The following SRRM4 variants were observed in gnomAD, a reference collection of about 807,000 sequenced individuals.
SRRM4 encodes serine/arginine repetitive matrix 4, also known as serine/arginine repetitive matrix protein 4.
A neutral mutation model predicts 68.9 loss-of-function variants in SRRM4; 33 were observed. The observed-to-expected ratio is 0.48, with a 90% CI of 0.36 to 0.64. The LOEUF (loss-of-function observed/expected upper bound fraction) is 0.64. Among genes scored for constraint, SRRM4 ranks in the 30% least tolerant of loss-of-function variants. The pLI is 0.00. For synonymous variants in SRRM4, 318 were observed against 318.8 expected, an observed-to-expected ratio of 1.00 and a Z score of 0.03; for missense variants, 817 against 827.1, an observed-to-expected ratio of 0.99 and a Z score of 0.15.
intron 1 of SRRM4, among the ~76,000 whole-genome samples, chr12:118,990,805 CTTGT>C (rs1036539989): frequency 1.3e-5 from 2 of 151,758 alleles, no homozygotes; most frequent in Non-Finnish European, 2.9e-5. Context: ...ATCACTTTCT[CTTGT>C]TTGTGTTTTT....
chr12:119,129,871 A>AG, intron 7 of SRRM4, among the ~76,000 whole-genome samples: 1 of 120,482 alleles, frequency 8.3e-6, no homozygotes, highest in Non-Finnish European at 1.8e-5. Flanking sequence ...TTAGTTGGAC[A>AG]AATGGATGGA....
chr12:119,066,548 G>C (rs142877352), intron 1 of SRRM4, among the ~76,000 whole-genome samples: 3 of 152,180 alleles, frequency 2.0e-5, no homozygotes, highest in Admixed American at 6.5e-5. Context: ...CAGAAACTTC[G>C]GAAGTGGGGC....
chr12:119,151,265 G>A (rs753999825), intron 10 of SRRM4, 45 bp downstream of exon 10: 5 of 1,549,596 alleles, frequency 3.2e-6, no homozygotes, highest in Admixed American at 1.7e-5. Context: ...TTTCTCCTTA[G>A]GAAATTAGTT....
At chr12:119,150,980 G>A in intron 9 of SRRM4, 37 bp from the exon 10 acceptor site, 12 of 1,595,018 alleles carry the variant, frequency 7.5e-6, no homozygotes, top group Non-Finnish European at 9.4e-6. Flanking sequence ...CCAGAGTAGT[G>A]GGCAGTCGGT....
chr12:118,988,466 G>C (rs995410203), intron 1 of SRRM4, among the ~76,000 whole-genome samples: 1 of 152,186 alleles, frequency 6.6e-6, no homozygotes, highest in Non-Finnish European at 1.5e-5. Context: ...TCTGGCGTGG[G>C]CTATTAGGCT....
rs1486203607 is a variant in SRRM4 at position 119,157,539 on chromosome 12, T to C, written c.*741T>C. The stretch of plus-strand genomic sequence containing the variant: ...CAGATCCCAGCTGTGAAGAGGCCAC[T>C]GCATGGCTGACACAAAACACCTCTT... On this transcript the variant is annotated 3_prime_UTR_variant, in exon 13 of 13. Transcript: ENST00000267260. The surrounding 1 kb of genome is among the most constrained non-coding windows in gnomAD (Gnocchi z 4.1). The C allele has an allele frequency of 6.6e-6, 1 of 152,342 alleles. No homozygotes were observed. Among genetic ancestry groups the C allele is most frequent in the East Asian group, 1.9e-4 (1 of 5,180 alleles). The allele number at this position is 152,342 out of a possible 1,614,324, so 9.4% of individuals were successfully genotyped here.
intron 1 of SRRM4, among the ~76,000 whole-genome samples, chr12:119,063,217 T>C (rs1480171029): frequency 6.6e-6 from 1 of 152,208 alleles, no homozygotes; most frequent in Non-Finnish European, 1.5e-5. Context: ...GTTCCAGATT[T>C]AATGTCATGG....
chr12:119,091,490 C>G lies in SRRM4; in HGVS notation c.132-10746C>G, dbSNP rs74447193. Among the ~76,000 whole-genome samples, 3 of 152,092 alleles carry G rather than the reference C, an allele frequency of 2.0e-5. No individual in the cohort carries two copies. In the East Asian group the frequency reaches 5.8e-4, roughly 29 times the overall value. On this transcript the variant is annotated intron_variant, in intron 1 of 12. Coordinates refer to ENST00000267260, the MANE Select transcript of SRRM4 (RefSeq NM_194286.4). The stretch of plus-strand genomic sequence containing the variant: ...AGTCAGAGTCACAGTGAGTGGGTCT[C>G]CAGAGGCAATCTTTGCAAGTGAGGC...
intron 8 of SRRM4, among the ~76,000 whole-genome samples, chr12:119,139,659 C>G (rs998913796): frequency 6.6e-6 from 1 of 152,126 alleles, no homozygotes; most frequent in Non-Finnish European, 1.5e-5. Context: ...GATATACCCG[C>G]TAGGGACATG....
intron 1 of SRRM4, chr12:119,037,050 A>G (rs1230718863): frequency 6.6e-6 from 1 of 152,200 alleles, no homozygotes; most frequent in African/African-American, 2.4e-5. Flanking sequence ...ACGAGGCGAT[A>G]TCAAACACAA....
intron 1 of SRRM4, among the ~76,000 whole-genome samples, chr12:118,985,952 A>T (rs2135987141): frequency 6.6e-6 from 1 of 152,330 alleles, no homozygotes; most frequent in South Asian, 2.1e-4. Flanking sequence ...TAGAACACAC[A>T]TTTTCCTTAC....
intron 7 of SRRM4, among the ~76,000 whole-genome samples, chr12:119,128,487 C>A (rs976019321): frequency 2.0e-5 from 3 of 152,154 alleles, no homozygotes; most frequent in Admixed American, 6.5e-5. Flanking sequence ...TTTTTAACAC[C>A]CCCTTACAGA....
At chr12:118,990,757 A>G (rs1262424137) in intron 1 of SRRM4, among the ~76,000 whole-genome samples, 2 of 152,044 alleles carry the variant, frequency 1.3e-5, no homozygotes, top group Admixed American at 6.5e-5. Context: ...AGCACATCAG[A>G]CCATGTAAGC....
chr12:119,146,312 C>T (rs972498732), intron 9 of SRRM4, among the ~76,000 whole-genome samples: 2 of 152,238 alleles, frequency 1.3e-5, no homozygotes, highest in Non-Finnish European at 2.9e-5. Flanking sequence ...ATTGACCAGG[C>T]GTGGTGGCTC....
intron 1 of SRRM4, among the ~76,000 whole-genome samples, chr12:119,076,666 C>T (rs1340674381): frequency 6.6e-6 from 1 of 152,158 alleles, no homozygotes; most frequent in Non-Finnish European, 1.5e-5. Flanking sequence ...GGGAAGTTGT[C>T]GAGATCTGAA....
rs1450529540 is a variant in SRRM4 at position 119,154,815 on chromosome 12, T to A, written c.1532+432T>A. On this transcript the variant is annotated intron_variant, in intron 12 of 12. Coordinates refer to ENST00000267260, the MANE Select transcript of SRRM4 (RefSeq NM_194286.4). The surrounding 1 kb of genome is among the most constrained non-coding windows in gnomAD (Gnocchi z 4.7). ...AGACAGACCTCTACCCTCAGACCTG[T>A]ACACTCAGCTGTCAGGCTTAAATAA... Among the ~76,000 whole-genome samples, 1 of 152,188 alleles carries A rather than the reference T, an allele frequency of 6.6e-6. No individual in the cohort carries two copies. Among genetic ancestry groups the A allele is most frequent in the Non-Finnish European group, 1.5e-5 (1 of 68,024 alleles).
intron 1 of SRRM4, among the ~76,000 whole-genome samples, chr12:119,077,486 A>C (rs1953923520): frequency 6.6e-6 from 1 of 152,296 alleles, no homozygotes; most frequent in South Asian, 2.1e-4. Flanking sequence ...AATTAATGGT[A>C]CCTACCTCAT....
intron 1 of SRRM4, among the ~76,000 whole-genome samples, chr12:119,095,084 G>T (rs1356741560): frequency 1.3e-5 from 2 of 152,300 alleles, no homozygotes; most frequent in East Asian, 1.9e-4. Context: ...CAATGGCAAA[G>T]CTCAAAGGGT....
At chr12:119,127,183 C>T (rs945109009) in intron 7 of SRRM4, among the ~76,000 whole-genome samples, 6 of 151,590 alleles carry the variant, frequency 4.0e-5, no homozygotes, top group Admixed American at 6.6e-5. Context: ...ACATTGTATA[C>T]ATGTACCCTA....
Sources: allele counts gnomAD v4.1 joint callset (sites outside exome capture counted in the v4.1 genomes callset), GRCh38; gene constraint gnomAD v4.1.1; non-coding constraint Gnocchi (gnomAD v3.1); transcripts MANE v1.5; gene names NCBI Gene and HGNC (gene_info 2026-07-23, HGNC 2026-07-21).